The following RCOR3 variants were observed in gnomAD, a reference collection of about 807,000 sequenced individuals.
RCOR3 encodes the protein REST corepressor 3.
RCOR3 carries 13 observed loss-of-function variants against 64.1 expected under a neutral mutation model. The ratio of observed to expected loss-of-function variants is 0.20; its 90% CI spans 0.13 to 0.32. The LOEUF is 0.32. Among genes scored for constraint, RCOR3 ranks in the 10% least tolerant of loss-of-function variants. RCOR3 has a pLI of 1.00. For synonymous variants in RCOR3, 215 were observed against 239.0 expected, an observed-to-expected ratio of 0.90 and a Z score of 0.93; for missense variants, 489 against 701.2, an observed-to-expected ratio of 0.70 and a Z score of 3.42.
rs1343995827 is a variant in RCOR3, at chr1:211,304,160, T to C, written c.1075+20T>C. 6.6e-7 allele frequency: 1 copy of C among 1,525,056 alleles called. No individual in the cohort carries two copies. Among genetic ancestry groups the C allele is most frequent in the Non-Finnish European group, 8.9e-7 (1 of 1,129,140 alleles). 94.5% of individuals were successfully genotyped at this position (1,525,056 alleles called of 1,614,324 possible). On this transcript the variant is annotated intron_variant, in intron 10 of 11. Transcript: ENST00000419091. ...TGCAAGGTATATTAAAGATAAGCAG[T>C]TATTGTTGTTAATAATTATTTAATT...
intron 5 of RCOR3, among the ~76,000 whole-genome samples, chr1:211,276,781 G>T (rs896634786): frequency 6.6e-6 from 1 of 152,152 alleles, no homozygotes; most frequent in South Asian, 2.1e-4. Flanking sequence ...GGATATGGAA[G>T]CCCTTTTTAA....
chr1:211,259,773 TCTTCCC>T, intron 1 of RCOR3, 47 bp downstream of exon 1: 1 of 928,474 alleles, frequency 1.1e-6, no homozygotes, highest in Non-Finnish European at 1.3e-6. Flanking sequence ...CCCCCCTCCC[TCTTCCC>T]CTCCCCCAGC....
intron 3 of RCOR3, chr1:211,271,945 A>G (rs536404553): frequency 4.1e-4 from 66 of 159,720 alleles, no homozygotes; most frequent in Middle Eastern, 6.7e-3. Flanking sequence ...CAACAACAAC[A>G]ACGACACTGA....
intron 2 of RCOR3, among the ~76,000 whole-genome samples, chr1:211,265,855 G>A (rs1181257097): frequency 6.6e-6 from 1 of 152,218 alleles, no homozygotes; most frequent in Non-Finnish European, 1.5e-5. Flanking sequence ...GGTGCCTTGA[G>A]TAAAGGAGGG....
chr1:211,314,310 T>A lies in RCOR3; in HGVS notation c.*542T>A, dbSNP rs1701755987. 1 of 152,204 alleles carries A rather than the reference T, an allele frequency of 6.6e-6. No homozygotes were observed. The highest frequency in any genetic ancestry group is 6.5e-5 in the Admixed American group (1 of 15,284). The allele number at this position is 152,204 out of a possible 1,614,324, so 9.4% of individuals were successfully genotyped here. A position where few individuals can be genotyped will look rare whatever the true frequency, so the allele number is the denominator to read the frequency against. On this transcript the variant is annotated 3_prime_UTR_variant, in exon 12 of 12. Coordinates refer to ENST00000419091, the MANE Select transcript of RCOR3 (RefSeq NM_001136223.3). ...GCATATTTAAGAAATTATAGCTGCA[T>A]ATCCCTTCTTTCAAAAAATGTTGCT...
At position 211,289,410 on chromosome 1, in the gene RCOR3, A is replaced by G. The variant is rs751441651; in HGVS notation, c.939+14A>G. The G allele has an allele frequency of 1.3e-6, 2 of 1,587,600 alleles. No homozygotes were observed. Among genetic ancestry groups the G allele is most frequent in the East Asian group, 4.6e-5 (2 of 43,586 alleles). ...CTAAAACGTCAGGTATTTTATAAAA[A>G]TAATATTTTTAATGATTCTGTGCAT... On this transcript the variant is annotated intron_variant, in intron 8 of 11. Transcript: ENST00000419091.
chr1:211,260,029 ATTTTTT>A lies in RCOR3; in HGVS notation c.167-78_167-73del, dbSNP rs1030836557. 82 of 1,288,230 alleles carry A rather than the reference ATTTTTT, an allele frequency of 6.4e-5. No individual in the cohort carries two copies. The African/African-American group carries it at 1.4e-3, about 22-fold the overall frequency. 79.8% of individuals were successfully genotyped at this position (1,288,230 alleles called of 1,614,324 possible). A position where few individuals can be genotyped will look rare whatever the true frequency, so the allele number is the denominator to read the frequency against. On this transcript the variant is annotated intron_variant, in intron 1 of 11. Coordinates refer to ENST00000419091, the MANE Select transcript of RCOR3 (RefSeq NM_001136223.3). ...TTCTTTCCTCCATCTAGCGATTTTT[ATTTTTT>A]AAGTGTCTCTTCCTTTTTCTTTCTT... is the stretch of plus-strand genomic sequence containing the variant.
At chr1:211,279,187 T>TAAA in intron 6 of RCOR3, 51 bp from the exon 7 acceptor site, 5 of 943,736 alleles carry the variant, frequency 5.3e-6, no homozygotes, top group Non-Finnish European at 7.8e-6. Context: ...AACGCTGTCT[T>TAAA]AAAAAAAAAA....
At position 211,271,211 on chromosome 1, in the gene RCOR3, GTAAT is replaced by G; in HGVS notation, c.224-18_224-15del. 1 of 1,599,262 alleles carries G rather than the reference GTAAT, an allele frequency of 6.3e-7. No individual in the cohort carries two copies. The highest frequency in any genetic ancestry group is 8.6e-7 in the Non-Finnish European group (1 of 1,167,994). ...GTAAATAAAATCCATCATATTCAAA[GTAAT>G]TATCTTTTTCCCCCAGGTGCTACAA... On this transcript the variant is annotated splice_polypyrimidine_tract_variant and intron_variant, in intron 2 of 11. Transcript: ENST00000419091.
At chr1:211,295,866 A>G in intron 9 of RCOR3, 113 bp downstream of exon 9, 1 of 642,832 alleles carries the variant, frequency 1.6e-6, no homozygotes, top group Non-Finnish European at 2.7e-6. Flanking sequence ...TGAAGGTTTC[A>G]TAATATGGAT....
rs906898518 is a variant in RCOR3, at chr1:211,314,677, T to G, written c.*909T>G. On this transcript the variant is annotated 3_prime_UTR_variant, in exon 12 of 12. Transcript: ENST00000419091. ...TGGGGACTTCAGAGAAGAATTATATTTTGTTAGTTAAGTAGACACAGTGGT... is the reference window on the plus strand; with the variant it reads ...TGGGGACTTCAGAGAAGAATTATATGTTGTTAGTTAAGTAGACACAGTGGT... 6.6e-6 allele frequency: 1 copy of G among 152,188 alleles called. No individual in the cohort carries two copies. The highest frequency in any genetic ancestry group is 2.4e-5 in the African/African-American group (1 of 41,456). 9.4% of individuals were successfully genotyped at this position (152,188 alleles called of 1,614,324 possible). A position where few individuals can be genotyped will look rare whatever the true frequency, so the allele number is the denominator to read the frequency against.
At chr1:211,274,283 G>A (rs11580084) in intron 4 of RCOR3, 21 bp downstream of exon 4, 876,524 of 1,523,662 alleles carry the variant, frequency 0.58, 260,137 homozygotes, top group East Asian at 0.61. Flanking sequence ...AAACACTTCA[G>A]TAGTAAGGCT....
intron 9 of RCOR3, 69 bp downstream of exon 9, chr1:211,295,822 A>G (rs1166679133): frequency 3.2e-6 from 4 of 1,243,334 alleles, no homozygotes; most frequent in Non-Finnish European, 4.7e-6. Flanking sequence ...CTAGTGCCCA[A>G]GTACTATTTT....
chr1:211,285,741 T>C (rs1163510530), intron 7 of RCOR3, among the ~76,000 whole-genome samples: 1 of 152,230 alleles, frequency 6.6e-6, no homozygotes, highest in Non-Finnish European at 1.5e-5. Flanking sequence ...AGTTCTGTAG[T>C]TGAAATCCAT....
intron 7 of RCOR3, 38 bp from the exon 8 acceptor site, chr1:211,289,140 A>T (rs770076409): frequency 5.9e-6 from 9 of 1,517,128 alleles, no homozygotes; most frequent in Non-Finnish European, 7.3e-6. Context: ...ACATTTGTGA[A>T]AACCAAGTGA....
intron 10 of RCOR3, among the ~76,000 whole-genome samples, chr1:211,305,133 G>A (rs564617828): frequency 2.6e-5 from 4 of 152,162 alleles, no homozygotes; most frequent in Admixed American, 6.5e-5. Context: ...GGATGACTCC[G>A]CAGTTTGGAT....
intron 6 of RCOR3, among the ~76,000 whole-genome samples, chr1:211,278,447 T>C (rs1274852678): frequency 6.6e-6 from 1 of 152,196 alleles, no homozygotes; most frequent in East Asian, 1.9e-4. Context: ...TCACAAATGC[T>C]TCCTTTTAGT....
chr1:211,286,967 A>G (rs1698629694), intron 7 of RCOR3, among the ~76,000 whole-genome samples: 1 of 152,214 alleles, frequency 6.6e-6, no homozygotes, highest in Non-Finnish European at 1.5e-5. Context: ...CCTGTTGGTC[A>G]TAAACAGATT....
chr1:211,296,158 G>A (rs1216766974), intron 9 of RCOR3, among the ~76,000 whole-genome samples: 1 of 152,054 alleles, frequency 6.6e-6, no homozygotes, highest in Non-Finnish European at 1.5e-5. Context: ...TTATTTTAAC[G>A]AATTTTTATT....
Sources: allele counts gnomAD v4.1 joint callset (sites outside exome capture counted in the v4.1 genomes callset), GRCh38; gene constraint gnomAD v4.1.1; transcripts MANE v1.5; gene names NCBI Gene and HGNC (gene_info 2026-07-23, HGNC 2026-07-21).